UNC5D: variants seen among roughly 807,000 people sequenced by gnomAD.
UNC5D encodes the protein netrin receptor UNC5D.
UNC5D carries 39 observed loss-of-function variants against 105.4 expected under a neutral mutation model. That is an observed-to-expected ratio of 0.37 (90% confidence interval 0.29 to 0.48). The LOEUF is 0.48. Among genes scored for constraint, UNC5D ranks in the 20% least tolerant of loss-of-function variants. The probability of loss-of-function intolerance (pLI) is 0.98; values close to 1 mark genes in which losing one functional copy is unlikely to be tolerated. For missense variants in UNC5D, 991 were observed against 1,202.4 expected (o/e 0.82, Z 2.60); for synonymous variants, 452 against 450.4 (o/e 1.00, Z -0.04).
intron 16 of UNC5D, among the ~76,000 whole-genome samples, chr8:35,779,794 AAAT>A (rs1160650561): frequency 6.6e-6 from 1 of 152,104 alleles, no homozygotes; most frequent in Non-Finnish European, 1.5e-5. Flanking sequence ...GCCTCTTAAT[AAAT>A]AGAATTGATA....
chr8:35,746,143 G>A (rs1187342995), intron 11 of UNC5D, among the ~76,000 whole-genome samples: 2 of 152,020 alleles, frequency 1.3e-5, no homozygotes, highest in African/African-American at 2.4e-5. Flanking sequence ...AGAAATCTCC[G>A]GTAACAGAGA....
intron 1 of UNC5D, among the ~76,000 whole-genome samples, chr8:35,280,269 T>C (rs1251775874): frequency 6.6e-6 from 1 of 152,188 alleles, no homozygotes; most frequent in African/African-American, 2.4e-5. Context: ...TTGCTGGGAT[T>C]ACAGGCATGT....
chr8:35,565,905 C>A (rs1481501344), intron 2 of UNC5D, among the ~76,000 whole-genome samples: 1 of 152,154 alleles, frequency 6.6e-6, no homozygotes, highest in Non-Finnish European at 1.5e-5. Context: ...CTGTGACATT[C>A]TTCCCTCTTG....
intron 1 of UNC5D, among the ~76,000 whole-genome samples, chr8:35,411,587 A>G (rs536600253): frequency 4.9e-4 from 75 of 152,202 alleles, no homozygotes; most frequent in African/African-American, 1.7e-3. Context: ...TCTCATTTAG[A>G]TCTCAGCTTG....
rs540066550 is a variant in UNC5D, at chr8:35,330,386, T to C, written c.103+94499T>C. ...ACCTTTCCAGACTCCATTTTCTTCATCTGTAAAATAAAGGGGAAAGGGTTC... is the reference window on the plus strand; with the variant it reads ...ACCTTTCCAGACTCCATTTTCTTCACCTGTAAAATAAAGGGGAAAGGGTTC... On this transcript the variant is annotated intron_variant, in intron 1 of 16. Transcript: ENST00000404895. Among the ~76,000 whole-genome samples the C allele has an allele frequency of 4.1e-4, 63 of 152,314 alleles. 1 individual carries two copies. In the South Asian group the frequency reaches 0.011, roughly 26 times the overall value.
At chr8:35,344,746 G>T (rs916379607) in intron 1 of UNC5D, among the ~76,000 whole-genome samples, 3 of 152,042 alleles carry the variant, frequency 2.0e-5, no homozygotes, top group Non-Finnish European at 1.5e-5. Flanking sequence ...TGATGCTTCA[G>T]ATCCTTTACA....
intron 1 of UNC5D, among the ~76,000 whole-genome samples, chr8:35,453,916 C>T (rs1276821659): frequency 6.6e-6 from 1 of 152,108 alleles, no homozygotes; most frequent in African/African-American, 2.4e-5. Context: ...CTGCCTTTTT[C>T]TTTCCTCTCC....
chr8:35,367,086 T>C (rs1802160982), intron 1 of UNC5D, among the ~76,000 whole-genome samples: 2 of 152,198 alleles, frequency 1.3e-5, no homozygotes, highest in African/African-American at 2.4e-5. Context: ...AAGAACTTCA[T>C]AGAACCTCTC....
chr8:35,431,782 T>C (rs1390714556), intron 1 of UNC5D, among the ~76,000 whole-genome samples: 1 of 152,164 alleles, frequency 6.6e-6, no homozygotes. Context: ...TTTCAGTCTA[T>C]ATTTCGATAA....
intron 1 of UNC5D, among the ~76,000 whole-genome samples, chr8:35,421,249 T>G: frequency 6.6e-6 from 1 of 152,164 alleles, no homozygotes; most frequent in East Asian, 1.9e-4. Context: ...TCTTGGTATC[T>G]CTGAAATGGC....
chr8:35,235,989 C>A, intron 1 of UNC5D, 102 bp downstream of exon 1: 1 of 1,053,260 alleles, frequency 9.5e-7, no homozygotes, highest in Non-Finnish European at 1.2e-6. Flanking sequence ...AACTTGCGCC[C>A]TGCACCTCGG....
chr8:35,720,685 A>C (rs1391767485), intron 8 of UNC5D, among the ~76,000 whole-genome samples: 1 of 152,176 alleles, frequency 6.6e-6, no homozygotes, highest in African/African-American at 2.4e-5. Context: ...CATGGTTATG[A>C]GTGGTTGGAG....
intron 1 of UNC5D, among the ~76,000 whole-genome samples, chr8:35,369,479 T>C (rs1157728802): frequency 1.3e-5 from 2 of 152,172 alleles, no homozygotes; most frequent in African/African-American, 4.8e-5. Flanking sequence ...CAAGAGTTCT[T>C]ATTTCCTGGA....
In UNC5D at chr8:35,290,935, C is replaced by T. The variant is rs111949216; in HGVS notation, c.103+55048C>T. Among the ~76,000 whole-genome samples the T allele has an allele frequency of 4.0e-3, 560 of 139,654 alleles. 6 individuals are homozygous for T. Among genetic ancestry groups the T allele is most frequent in the African/African-American group, 0.014 (526 of 36,868 alleles). 91.6% of individuals were successfully genotyped at this position (139,654 alleles called of 152,430 possible). On this transcript the variant is annotated intron_variant, in intron 1 of 16. Transcript: ENST00000404895. The stretch of plus-strand genomic sequence containing the variant: ...TGCACTCCAGCCTGGGCGACAAAAG[C>T]GAGACTCCATCTCAAAAAAAAAAAA...
At chr8:35,690,879 C>A (rs550120651) in intron 7 of UNC5D, among the ~76,000 whole-genome samples, 15 of 152,158 alleles carry the variant, frequency 9.9e-5, no homozygotes, top group Non-Finnish European at 1.8e-4. Context: ...TTTCTTCATC[C>A]TAATTTTCTT....
At position 35,475,688 on chromosome 8, in the gene UNC5D, CA is replaced by C. The variant is rs1810039035; in HGVS notation, c.104-73601del. On this transcript the variant is annotated intron_variant, in intron 1 of 16. Coordinates refer to ENST00000404895, the MANE Select transcript of UNC5D (RefSeq NM_080872.4). ...CTGTCTGCTTTGCATTGTGTTTTAA[CA>C]AAGGGGTGGGGACAAATTGGTTTGG... 4.6e-5 allele frequency among the ~76,000 whole-genome samples: 7 copies of C among 152,262 alleles called. No homozygotes were observed. In the South Asian group the frequency reaches 1.5e-3, roughly 32 times the overall value.
chr8:35,710,834 G>A (rs1286552746), intron 8 of UNC5D, among the ~76,000 whole-genome samples: 1 of 151,858 alleles, frequency 6.6e-6, no homozygotes, highest in Non-Finnish European at 1.5e-5. Context: ...TTGCCTCTTT[G>A]TAGCCAGTCT....
chr8:35,525,136 C>T (rs1368861143), intron 1 of UNC5D: 10 of 1,605,086 alleles, frequency 6.2e-6, no homozygotes, highest in Admixed American at 5.1e-5. Flanking sequence ...ACCAGCGCCT[C>T]CTTGGCTGGA....
At chr8:35,772,801 CTT>C (rs5890830) in intron 15 of UNC5D, among the ~76,000 whole-genome samples, 307 of 144,890 alleles carry the variant, frequency 2.1e-3, no homozygotes, top group Non-Finnish European at 2.2e-3. Flanking sequence ...GCTCAGAGTC[CTT>C]TTTTTTTTTT....
Sources: allele counts gnomAD v4.1 joint callset (sites outside exome capture counted in the v4.1 genomes callset), GRCh38; gene constraint gnomAD v4.1.1; transcripts MANE v1.5; gene names NCBI Gene and HGNC (gene_info 2026-07-23, HGNC 2026-07-21).